The following ATP2A2 variants were observed in gnomAD, a reference collection of about 807,000 sequenced individuals.
ATP2A2 encodes sarcoplasmic/endoplasmic reticulum calcium ATPase 2.
A neutral mutation model predicts 109.3 loss-of-function variants in ATP2A2; 14 were observed. The observed-to-expected ratio is 0.13, with a 90% CI of 0.08 to 0.20. The LOEUF (loss-of-function observed/expected upper bound fraction) is 0.20. Among genes scored for constraint, ATP2A2 ranks in the 10% least tolerant of loss-of-function variants. The pLI is 1.00. For synonymous variants in ATP2A2, 506 were observed against 490.9 expected (o/e 1.03, Z -0.41); for missense variants, 657 against 1,321.6 (o/e 0.50, Z 7.80).
rs1592831539 is a variant in ATP2A2 at position 110,316,104 on chromosome 12, A to G, written c.464-6888A>G. ...TCCATCTCAAAAAGTAAAATAAAAT[A>G]AAATGTTTATTTCCAAGTTAGTCTT... On this transcript the variant is annotated intron_variant, in intron 5 of 19. Coordinates refer to ENST00000539276, the MANE Select transcript of ATP2A2 (RefSeq NM_170665.4). Among the ~76,000 whole-genome samples the G allele has an allele frequency of 4.6e-5, 7 of 152,350 alleles. 1 individual carries two copies.
intron 5 of ATP2A2, among the ~76,000 whole-genome samples, chr12:110,315,399 G>T (rs932352430): frequency 5.3e-5 from 8 of 152,106 alleles, no homozygotes; most frequent in Admixed American, 1.3e-4. Flanking sequence ...CATTTTTTTA[G>T]TCAGTTCATT....
chr12:110,317,819 C>G (rs1451998471), intron 5 of ATP2A2, among the ~76,000 whole-genome samples: 1 of 152,138 alleles, frequency 6.6e-6, no homozygotes, highest in African/African-American at 2.4e-5. Context: ...TACTTGAACT[C>G]TTGTGCAAGT....
rs890884104 is a variant in ATP2A2, at chr12:110,350,626, A to G, written c.*4156A>G. On this transcript the variant is annotated 3_prime_UTR_variant, in exon 20 of 20. Transcript: ENST00000539276. ...CTTGGAAGCCGTCAGCCAAGTCGCC[A>G]CATTTCTCTGCAAAATGTCATAGCT... The G allele has an allele frequency of 6.6e-6, 3 of 454,936 alleles. No individual in the cohort carries two copies. Among genetic ancestry groups the G allele is most frequent in the Non-Finnish European group, 1.2e-5 (3 of 251,262 alleles). The allele number at this position is 454,936 out of a possible 1,614,324, so 28.2% of individuals were successfully genotyped here. A position where few individuals can be genotyped will look rare whatever the true frequency, so the allele number is the denominator to read the frequency against.
chr12:110,313,310 C>CTCTTTTTTT (rs1876295980), intron 5 of ATP2A2, among the ~76,000 whole-genome samples: 1 of 113,202 alleles, frequency 8.8e-6, no homozygotes, highest in African/African-American at 3.4e-5. Context: ...ACCACCTTTC[C>CTCTTTTTTT]TTTTTTTTTT....
At chr12:110,332,487 G>T in intron 8 of ATP2A2, 110 bp from the exon 9 acceptor site, 1 of 945,678 alleles carries the variant, frequency 1.1e-6, no homozygotes, top group Non-Finnish European at 1.7e-6. Context: ...AGTTGTTTTC[G>T]TAAATGAAAG....
intron 10 of ATP2A2, 92 bp from the exon 11 acceptor site, chr12:110,333,920 A>G: frequency 6.5e-7 from 1 of 1,543,574 alleles, no homozygotes; most frequent in Non-Finnish European, 8.9e-7. Context: ...AATAGAGGAC[A>G]GATTGTGCTT....
At chr12:110,292,158 T>C in intron 4 of ATP2A2, 34 bp downstream of exon 4, 2 of 1,404,582 alleles carry the variant, frequency 1.4e-6, no homozygotes, top group Non-Finnish European at 2.0e-6. Context: ...AAAATTTCAA[T>C]AAGTTATGTA....
intron 5 of ATP2A2, among the ~76,000 whole-genome samples, chr12:110,298,968 T>C (rs992458480): frequency 6.6e-6 from 1 of 152,266 alleles, no homozygotes; most frequent in African/African-American, 2.4e-5. Flanking sequence ...TTACCAGTTA[T>C]CACTTTTTTT....
chr12:110,301,902 A>G (rs751709129), intron 5 of ATP2A2, among the ~76,000 whole-genome samples: 3 of 152,102 alleles, frequency 2.0e-5, no homozygotes, highest in Admixed American at 6.6e-5. Flanking sequence ...GGCAAATTTT[A>G]TAGAGTTTAT....
intron 5 of ATP2A2, among the ~76,000 whole-genome samples, chr12:110,312,365 A>G (rs1466551291): frequency 2.6e-5 from 4 of 152,188 alleles, no homozygotes; most frequent in African/African-American, 4.8e-5. Flanking sequence ...TCCCAGGTCA[A>G]TAATTTGAGT....
At chr12:110,284,788 G>T (rs1157841626) in intron 3 of ATP2A2, among the ~76,000 whole-genome samples, 1 of 152,058 alleles carries the variant, frequency 6.6e-6, no homozygotes, top group African/African-American at 2.4e-5. Flanking sequence ...TTTATGAGTT[G>T]GTAAATAGCA....
Position 110,349,852 on chromosome 12 carries a change from G to A in ATP2A2, c.*3382G>A. The stretch of plus-strand genomic sequence containing the variant: ...TGATGCGGAGGAGTTTCCTCTCCAG[G>A]GCTAGGCAAGGCAGGCGAGCAGCCA... On this transcript the variant is annotated 3_prime_UTR_variant, in exon 20 of 20. Transcript: ENST00000539276. 3 of 1,051,714 alleles carry A rather than the reference G, an allele frequency of 2.9e-6. No homozygotes were observed. Among genetic ancestry groups the A allele is most frequent in the East Asian group, 7.6e-5 (1 of 13,134 alleles). The allele number at this position is 1,051,714 out of a possible 1,614,324, so 65.1% of individuals were successfully genotyped here.
intron 4 of ATP2A2, among the ~76,000 whole-genome samples, chr12:110,292,378 T>G (rs1254325723): frequency 6.6e-6 from 1 of 152,076 alleles, no homozygotes; most frequent in Admixed American, 6.6e-5. Flanking sequence ...GTGGTTCTCG[T>G]GCCTCAGCCT....
intron 14 of ATP2A2, among the ~76,000 whole-genome samples, chr12:110,341,785 A>C (rs970494750): frequency 6.6e-6 from 1 of 152,190 alleles, no homozygotes; most frequent in Non-Finnish European, 1.5e-5. Flanking sequence ...AGGCAGGAGA[A>C]TCGCTTGAAC....
At chr12:110,300,371 T>TA (rs1555278147) in intron 5 of ATP2A2, among the ~76,000 whole-genome samples, 7 of 144,378 alleles carry the variant, frequency 4.8e-5, no homozygotes, top group African/African-American at 1.5e-4. Flanking sequence ...TTTTTTTTTT[T>TA]AAAGACGGAA....
chr12:110,341,105 T>TTCTA (rs1879312050), intron 14 of ATP2A2, 111 bp downstream of exon 14: 10 of 1,185,656 alleles, frequency 8.4e-6, no homozygotes, highest in Non-Finnish European at 1.2e-5. Context: ...GAATTTGTCA[T>TTCTA]GATTTGGGTC....
intron 5 of ATP2A2, among the ~76,000 whole-genome samples, chr12:110,303,218 A>G (rs1874872281): frequency 6.6e-6 from 1 of 152,178 alleles, no homozygotes. Context: ...GTGTGTGTTC[A>G]ATACAATTAT....
Position 110,332,676 on chromosome 12 carries a change from T to C in ATP2A2, c.1175T>C (p.Ile392Thr), listed in dbSNP as rs1878462024. ...FTITGSTYAP[I>T]GEVHKDDKPV... ...ATAACTGGATCAACTTATGCACCTA[T>C]TGGAGAAGTGTGAGTAACCCTCCTC... The change falls in exon 9 of 20, where the codon ATT becomes ACT. Residue 392 changes from isoleucine (I) to threonine (T), a missense_variant. Physicochemically the swap from Ile to Thr is moderately conservative, Grantham distance 89. This residue lies in a region of ATP2A2 where 46 missense variants were observed against 62.0 expected (regional missense o/e 0.74). Transcript: ENST00000539276. 4 of 1,610,630 alleles carry C rather than the reference T, an allele frequency of 2.5e-6. No individual in the cohort carries two copies. In the Admixed American group the frequency reaches 5.0e-5, roughly 20 times the overall value.
chr12:110,341,075 T>C, intron 14 of ATP2A2, 81 bp downstream of exon 14: 1 of 1,453,426 alleles, frequency 6.9e-7, no homozygotes, highest in Middle Eastern at 1.8e-4. Flanking sequence ...TGAATTTTTT[T>C]GTCATAGCTC....
Sources: allele counts gnomAD v4.1 joint callset (sites outside exome capture counted in the v4.1 genomes callset), GRCh38; gene constraint gnomAD v4.1.1; regional missense constraint gnomAD v4.1.1; transcripts MANE v1.5; gene names NCBI Gene and HGNC (gene_info 2026-07-23, HGNC 2026-07-21).